The following CAST variants were observed in gnomAD, a reference collection of about 807,000 sequenced individuals.
CAST encodes calpastatin.
CAST carries 76 observed loss-of-function variants against 119.6 expected under a neutral mutation model. That is an observed-to-expected ratio of 0.64 (90% CI 0.53 to 0.77). The LOEUF is 0.77. CAST is among the 30% of genes least tolerant of loss of function. CAST has a pLI of 0.00. For missense variants in CAST, 953 were observed against 946.5 expected (o/e 1.01, Z -0.09); for synonymous variants, 319 against 331.6 (o/e 0.96, Z 0.41).
the CAST span, among the ~76,000 whole-genome samples, chr5:96,107,835 AT>A: frequency 6.6e-6 from 1 of 152,130 alleles, no homozygotes; most frequent in Non-Finnish European, 1.5e-5. Context: ...ACTTGTTTCC[AT>A]TCTCCCTGTC....
the CAST span, among the ~76,000 whole-genome samples, chr5:96,251,431 TG>T: frequency 2.0e-5 from 3 of 152,176 alleles, no homozygotes; most frequent in African/African-American, 7.2e-5. Flanking sequence ...CTAACCACTT[TG>T]CTGTTAACTT....
chr5:96,674,936 G>A (rs2150246620), intron 1 of CAST, among the ~76,000 whole-genome samples: 1 of 152,284 alleles, frequency 6.6e-6, no homozygotes, highest in Non-Finnish European at 1.5e-5. Context: ...ATGTATGATT[G>A]TTATGTGTTA....
At chr5:96,238,357 TCTTCTTCTC>T in the CAST span, among the ~76,000 whole-genome samples, 11 of 79,598 alleles carry the variant, frequency 1.4e-4, no homozygotes, top group African/African-American at 4.3e-4. Flanking sequence ...ATCTTCATCT[TCTTCTTCTC>T]CTTCTTCTCC....
the CAST span, among the ~76,000 whole-genome samples, chr5:96,221,789 A>G: frequency 5.9e-5 from 9 of 152,128 alleles, no homozygotes; most frequent in Non-Finnish European, 1.0e-4. Flanking sequence ...AAAAAGAGCC[A>G]GAAGAGTCAA....
the CAST span, among the ~76,000 whole-genome samples, chr5:96,265,170 C>T: frequency 1.3e-5 from 2 of 152,116 alleles, no homozygotes; most frequent in Non-Finnish European, 2.9e-5. Context: ...GCTCTCTCCA[C>T]TTGGCCTTTC....
In CAST at chr5:96,762,932, T is replaced by C. The variant is rs1025580742; in HGVS notation, c.1932+560T>C. Reference sequence around the variant, plus strand: ...TATTGTTTTAATTATTTACATGCTGTGAGGCAAGGCTGTGGGACCAAAGCT... The same window carrying C: ...TATTGTTTTAATTATTTACATGCTGCGAGGCAAGGCTGTGGGACCAAAGCT... On this transcript the variant is annotated intron_variant, in intron 25 of 31. Coordinates refer to ENST00000675179, the MANE Select transcript of CAST (RefSeq NM_001750.7). 18 of 532,718 alleles carry C rather than the reference T, an allele frequency of 3.4e-5. No individual in the cohort carries two copies. In the African/African-American group the frequency reaches 3.4e-4, roughly 10 times the overall value. The allele number at this position is 532,718 out of a possible 1,614,324, so 33.0% of individuals were successfully genotyped here. A position where few individuals can be genotyped will look rare whatever the true frequency, so the allele number is the denominator to read the frequency against.
the CAST span, among the ~76,000 whole-genome samples, chr5:96,222,731 A>G: frequency 2.6e-5 from 4 of 152,174 alleles, no homozygotes; most frequent in Non-Finnish European, 5.9e-5. Context: ...TAGAACTACC[A>G]TATGACCCAG....
the CAST span, among the ~76,000 whole-genome samples, chr5:95,971,226 T>C: frequency 1.3e-5 from 2 of 152,234 alleles, no homozygotes; most frequent in Non-Finnish European, 2.9e-5. Context: ...TTCCTGAATC[T>C]CTTTTTTAAA....
the CAST span, among the ~76,000 whole-genome samples, chr5:96,505,543 C>T: frequency 2.0e-5 from 3 of 152,178 alleles, no homozygotes; most frequent in African/African-American, 7.2e-5. Flanking sequence ...TCTTCTGTCA[C>T]TGCTGAATCT....
chr5:96,395,122 A>C, the CAST span: 510 of 996,848 alleles, frequency 5.1e-4, no homozygotes, highest in Non-Finnish European at 7.4e-4. Context: ...TTAAAATCTC[A>C]TTTTAAGATT....
chr5:96,153,300 G>T, the CAST span, among the ~76,000 whole-genome samples: 28 of 152,316 alleles, frequency 1.8e-4, no homozygotes, highest in Admixed American at 1.6e-3. Context: ...CTGTCTGAAA[G>T]ACACAGCCCT....
the CAST span, among the ~76,000 whole-genome samples, chr5:96,498,669 G>C: frequency 6.6e-6 from 1 of 152,160 alleles, no homozygotes; most frequent in Non-Finnish European, 1.5e-5. Context: ...TTTATTTGTG[G>C]TAAATAATTA....
chr5:95,982,612 G>C, the CAST span, among the ~76,000 whole-genome samples: 1 of 152,194 alleles, frequency 6.6e-6, no homozygotes, highest in South Asian at 2.1e-4. Flanking sequence ...AAAATGCAGA[G>C]AATAGTGCCT....
chr5:96,621,185 T>G (rs1014007401), intron 1 of CAST, among the ~76,000 whole-genome samples: 17 of 152,224 alleles, frequency 1.1e-4, no homozygotes, highest in Admixed American at 5.9e-4. Flanking sequence ...AAATCTCTTG[T>G]CTTGTAGAAG....
intron 1 of CAST, among the ~76,000 whole-genome samples, chr5:96,589,855 T>G (rs1370999437): frequency 6.6e-6 from 1 of 152,228 alleles, no homozygotes; most frequent in Non-Finnish European, 1.5e-5. Flanking sequence ...AATTTAGTAG[T>G]AATTCTCTGC....
At chr5:96,306,356 G>A in the CAST span, among the ~76,000 whole-genome samples, 1 of 151,870 alleles carries the variant, frequency 6.6e-6, no homozygotes, top group African/African-American at 2.4e-5. Flanking sequence ...TATTAGTCTG[G>A]CTAGTGGTCT....
the CAST span, among the ~76,000 whole-genome samples, chr5:96,239,062 A>G: frequency 1.3e-5 from 2 of 152,122 alleles, no homozygotes; most frequent in Non-Finnish European, 2.9e-5. Context: ...TACTTCATAT[A>G]TCCTGGCACC....
rs775763630 is a variant in CAST at position 96,763,224 on chromosome 5, A to G, written c.1932+852A>G. 1.0e-5 allele frequency: 8 copies of G among 780,624 alleles called. No homozygotes were observed. In the African/African-American group the frequency reaches 1.4e-4, roughly 13 times the overall value. The allele number at this position is 780,624 out of a possible 1,614,324, so 48.4% of individuals were successfully genotyped here. On this transcript the variant is annotated intron_variant, in intron 25 of 31. Transcript: ENST00000675179. ...TTCATCCTGTTGCGTCAGCTTCAGG[A>G]TCATCTGAAAATATCCAGAGGCACA...
chr5:96,687,797 T>C (rs1261197931), intron 2 of CAST, among the ~76,000 whole-genome samples: 1 of 152,206 alleles, frequency 6.6e-6, no homozygotes, highest in South Asian at 2.1e-4. Flanking sequence ...TTTCACTTAG[T>C]ACTTAAGATA....
Sources: gnomAD v4.1 joint callset for allele counts (sites outside exome capture counted in the v4.1 genomes callset) on GRCh38, gnomAD v4.1.1 for gene constraint, MANE v1.5 for transcripts, NCBI Gene and HGNC (gene_info 2026-07-23, HGNC 2026-07-21) for gene names.